NCOA1: variants seen among roughly 807,000 people sequenced by gnomAD.
The protein encoded by NCOA1 is nuclear receptor coactivator 1.
NCOA1 carries 35 observed loss-of-function variants against 150.9 expected under a neutral mutation model. The ratio of observed to expected loss-of-function variants is 0.23; its 90% CI spans 0.18 to 0.31. The LOEUF (loss-of-function observed/expected upper bound fraction) is 0.31, where lower values mean the gene tolerates loss of function less well. NCOA1 is among the 10% of genes least tolerant of loss of function. The pLI is 1.00. For synonymous variants in NCOA1, 590 were observed against 630.0 expected, an observed-to-expected ratio of 0.94 and a Z score of 0.95; for missense variants, 1,491 against 1,749.3, an observed-to-expected ratio of 0.85 and a Z score of 2.63.
rs1203018504 is a variant in NCOA1, at chr2:24,770,089, G to C, written c.*1698G>C. Reference sequence around the variant, plus strand: ...ATGCCGAATAAAAAGATTGGTGGAAGGGCTCATGTGGTTAGCAACTATGAA... The same window carrying C: ...ATGCCGAATAAAAAGATTGGTGGAACGGCTCATGTGGTTAGCAACTATGAA... On this transcript the variant is annotated 3_prime_UTR_variant, in exon 23 of 23. Transcript: ENST00000348332. 4.3e-6 allele frequency: 1 copy of C among 229,978 alleles called. No individual in the cohort carries two copies. Among genetic ancestry groups the C allele is most frequent in the Non-Finnish European group, 8.6e-6 (1 of 115,888 alleles). The allele number at this position is 229,978 out of a possible 1,614,324, so 14.2% of individuals were successfully genotyped here.
chr2:24,599,791 CAT>C (rs1668034725), intron 3 of NCOA1, among the ~76,000 whole-genome samples: 1 of 142,968 alleles, frequency 7.0e-6, no homozygotes, highest in Non-Finnish European at 1.5e-5. Flanking sequence ...CAATGGCATA[CAT>C]GACCTTGGCT....
At chr2:24,493,173 C>A (rs1395210777) in intron 1 of NCOA1, among the ~76,000 whole-genome samples, 1 of 152,152 alleles carries the variant, frequency 6.6e-6, no homozygotes, top group Non-Finnish European at 1.5e-5. Flanking sequence ...AATAGGCATT[C>A]CTTGAACTAT....
chr2:24,662,785 ATT>A (rs746278666), intron 5 of NCOA1, among the ~76,000 whole-genome samples: 2 of 142,776 alleles, frequency 1.4e-5, no homozygotes. Flanking sequence ...GGGCCTGTGC[ATT>A]TTTTTTTTTT....
intron 1 of NCOA1, among the ~76,000 whole-genome samples, chr2:24,514,938 C>T (rs189101057): frequency 6.6e-6 from 1 of 151,994 alleles, no homozygotes; most frequent in Non-Finnish European, 1.5e-5. Flanking sequence ...CATTAGTTAT[C>T]CATAGCTTAA....
chr2:24,565,783 G>T (rs1048819379), intron 2 of NCOA1, among the ~76,000 whole-genome samples: 5 of 152,322 alleles, frequency 3.3e-5, no homozygotes, highest in East Asian at 3.9e-4. Flanking sequence ...AGCCAGGCAC[G>T]CTGGCTGTGG....
chr2:24,558,617 A>G (rs1284947634), intron 1 of NCOA1, among the ~76,000 whole-genome samples: 1 of 152,186 alleles, frequency 6.6e-6, no homozygotes. Flanking sequence ...GGGAGATACA[A>G]TTCAAGTTGA....
At chr2:24,646,661 T>C (rs1463538867) in intron 4 of NCOA1, among the ~76,000 whole-genome samples, 1 of 151,850 alleles carries the variant, frequency 6.6e-6, no homozygotes, top group Non-Finnish European at 1.5e-5. Flanking sequence ...CTAAAAAGGC[T>C]GTGATAGGGG....
Position 24,491,356 on chromosome 2 carries a change from G to A in NCOA1, c.-642G>A, listed in dbSNP as rs911706123. On this transcript the variant is annotated 5_prime_UTR_variant, in exon 1 of 23. Coordinates refer to ENST00000348332, the MANE Select transcript of NCOA1 (RefSeq NM_003743.5). ...GCGGGAGTCTGACGCGATTTGCTGA[G>A]CTCTGTCCTCCGACGGCTGCCTCGC... Among the ~76,000 whole-genome samples, 1 of 148,122 alleles carries A rather than the reference G, an allele frequency of 6.8e-6. No individual in the cohort carries two copies. The highest frequency in any genetic ancestry group is 6.7e-5 in the Admixed American group (1 of 14,890).
chr2:24,711,209 G>T, intron 14 of NCOA1, 98 bp downstream of exon 14: 1 of 1,199,030 alleles, frequency 8.3e-7, no homozygotes, highest in Non-Finnish European at 1.1e-6. Flanking sequence ...TTGCTTAAGA[G>T]TGAAATATCT....
At position 24,649,394 on chromosome 2, in the gene NCOA1, T is replaced by C. The variant is rs190759446; in HGVS notation, c.-18+5272T>C. On this transcript the variant is annotated intron_variant, in intron 4 of 22. Transcript: ENST00000348332. ...TGTTTATACCAGCTGAAGATAGCTA[T>C]AGTTAGGACGACTGATTTTTCCTCA... Among the ~76,000 whole-genome samples, 79 of 152,348 alleles carry C rather than the reference T, an allele frequency of 5.2e-4. 1 individual carries two copies. Among genetic ancestry groups the C allele is most frequent in the African/African-American group, 1.8e-3 (76 of 41,580 alleles).
intron 10 of NCOA1, among the ~76,000 whole-genome samples, chr2:24,695,220 T>C (rs1443249359): frequency 6.6e-6 from 1 of 152,108 alleles, no homozygotes; most frequent in East Asian, 1.9e-4. Context: ...TATGTATAAA[T>C]ATATAAAAAT....
At position 24,754,442 on chromosome 2, in the gene NCOA1, C is replaced by G. The variant is rs559022686; in HGVS notation, c.3881+2286C>G. On this transcript the variant is annotated intron_variant, in intron 20 of 22. Transcript: ENST00000348332. ...TTTATCCTTCTGCTCCTCAGATGTG[C>G]GAAGTACACTGCAAACTCAGGATGT... Among the ~76,000 whole-genome samples the G allele has an allele frequency of 2.0e-5, 3 of 152,278 alleles. No homozygotes were observed. In the South Asian group the frequency reaches 6.2e-4, roughly 32 times the overall value.
intron 17 of NCOA1, among the ~76,000 whole-genome samples, chr2:24,735,678 A>T (rs1245887444): frequency 6.6e-6 from 1 of 152,146 alleles, no homozygotes; most frequent in Non-Finnish European, 1.5e-5. Flanking sequence ...TTGGGAGGAG[A>T]GAGATGAAAA....
At chr2:24,543,875 A>G in intron 1 of NCOA1, among the ~76,000 whole-genome samples, 1 of 152,176 alleles carries the variant, frequency 6.6e-6, no homozygotes, top group Non-Finnish European at 1.5e-5. Flanking sequence ...ATGAAAAGTG[A>G]TATGATCTGG....
intron 4 of NCOA1, among the ~76,000 whole-genome samples, chr2:24,655,818 G>T (rs1262444342): frequency 6.6e-6 from 1 of 152,194 alleles, no homozygotes; most frequent in African/African-American, 2.4e-5. Flanking sequence ...GCCGGGCATG[G>T]TGGCTCACGC....
chr2:24,581,377 C>T (rs1482001721), intron 2 of NCOA1, among the ~76,000 whole-genome samples: 1 of 152,214 alleles, frequency 6.6e-6, no homozygotes, highest in East Asian at 1.9e-4. Context: ...GAATTGAGTG[C>T]CTTATTACAG....
chr2:24,573,370 A>G (rs886572252), intron 2 of NCOA1, among the ~76,000 whole-genome samples: 3 of 152,132 alleles, frequency 2.0e-5, no homozygotes, highest in African/African-American at 7.2e-5. Flanking sequence ...ACATTTCTTG[A>G]AATTAGAAAT....
At chr2:24,600,399 G>T (rs986447822) in intron 3 of NCOA1, among the ~76,000 whole-genome samples, 2 of 152,138 alleles carry the variant, frequency 1.3e-5, no homozygotes, top group African/African-American at 4.8e-5. Flanking sequence ...TAGAGATGGG[G>T]TCTTGCCATG....
At chr2:24,523,075 T>C (rs1212117780) in intron 1 of NCOA1, among the ~76,000 whole-genome samples, 1 of 152,206 alleles carries the variant, frequency 6.6e-6, no homozygotes, top group Non-Finnish European at 1.5e-5. Context: ...TTTATATGTA[T>C]GGTCAAGTCA....
Sources: allele counts gnomAD v4.1 joint callset (sites outside exome capture counted in the v4.1 genomes callset), GRCh38; gene constraint gnomAD v4.1.1; transcripts MANE v1.5; gene names NCBI Gene and HGNC (gene_info 2026-07-23, HGNC 2026-07-21).